LOC400499: variants seen among roughly 807,000 people sequenced by gnomAD.
At chr16:11,480,703 T>C in the LOC400499 span, among the ~76,000 whole-genome samples, 1 of 152,178 alleles carries the variant, frequency 6.6e-6, no homozygotes, top group Non-Finnish European at 1.5e-5. Flanking sequence ...CCGACAGGTA[T>C]AAATACACAC....
At chr16:11,516,234 T>C in the LOC400499 span, 1 of 399,630 alleles carries the variant, frequency 2.5e-6, no homozygotes, top group East Asian at 3.6e-5. Flanking sequence ...CGTGGCTCAG[T>C]GGGATGGGGA....
the LOC400499 span, chr16:11,385,297 G>C: frequency 2.4e-6 from 3 of 1,232,322 alleles, no homozygotes; most frequent in South Asian, 8.2e-5. Context: ...CTCAGCGTCA[G>C]CGAGAATGTG....
the LOC400499 span, among the ~76,000 whole-genome samples, chr16:11,409,414 T>C: frequency 1.3e-5 from 2 of 152,212 alleles, no homozygotes; most frequent in East Asian, 1.9e-4. Context: ...GTAACAGCCA[T>C]GTCTATTCAC....
the LOC400499 span, among the ~76,000 whole-genome samples, chr16:11,486,407 AATAG>A: frequency 4.9e-5 from 4 of 81,704 alleles, no homozygotes; most frequent in Non-Finnish European, 9.2e-5. Context: ...GGATTGAGTG[AATAG>A]ATGGATGGAT....
the LOC400499 span, among the ~76,000 whole-genome samples, chr16:11,441,703 G>C: frequency 2.0e-5 from 3 of 152,220 alleles, no homozygotes; most frequent in Middle Eastern, 3.2e-3. Context: ...GAGTCACACA[G>C]AGACTGGAAG....
At chr16:11,382,592 G>T in the LOC400499 span, among the ~76,000 whole-genome samples, 1 of 152,158 alleles carries the variant, frequency 6.6e-6, no homozygotes, top group East Asian at 1.9e-4. Flanking sequence ...GATTATTGTG[G>T]TGTGAGAGCA....
chr16:11,490,177 C>T, the LOC400499 span, among the ~76,000 whole-genome samples: 1 of 151,894 alleles, frequency 6.6e-6, no homozygotes, highest in Non-Finnish European at 1.5e-5. Flanking sequence ...GGATGGATCA[C>T]CTGAGGTCAG....
chr16:11,433,765 C>T, the LOC400499 span, among the ~76,000 whole-genome samples: 2 of 152,196 alleles, frequency 1.3e-5, no homozygotes, highest in African/African-American at 4.8e-5. Context: ...AATCCCTGAA[C>T]CATGGGGTTC....
chr16:11,478,860 C>G, the LOC400499 span, among the ~76,000 whole-genome samples: 1 of 152,148 alleles, frequency 6.6e-6, no homozygotes, highest in East Asian at 1.9e-4. Flanking sequence ...CCGTGCTGTT[C>G]GCGTGATAGT....
chr16:11,518,943 G>C, the LOC400499 span: 34 of 399,034 alleles, frequency 8.5e-5, no homozygotes, highest in African/African-American at 5.3e-4. Context: ...TTGGCCCCCA[G>C]GATGGATGTC....
At chr16:11,414,480 G>A in the LOC400499 span, 1 of 400,130 alleles carries the variant, frequency 2.5e-6, no homozygotes, top group Admixed American at 4.4e-5. Context: ...CCCCACCATG[G>A]AGGGCCACCC....
At chr16:11,476,484 ACACT>A in the LOC400499 span, among the ~76,000 whole-genome samples, 2 of 151,824 alleles carry the variant, frequency 1.3e-5, no homozygotes, top group Non-Finnish European at 2.9e-5. Context: ...CTCCCACAAC[ACACT>A]CACTCCTCAC....
At chr16:11,430,279 A>T in the LOC400499 span, among the ~76,000 whole-genome samples, 2 of 152,196 alleles carry the variant, frequency 1.3e-5, no homozygotes, top group Non-Finnish European at 2.9e-5. Context: ...TGAGGCCAGG[A>T]GTTCGAGACC....
chr16:11,487,161 G>T, the LOC400499 span: 110,674 of 397,320 alleles, frequency 0.28, 16,763 homozygotes, highest in Admixed American at 0.44. Flanking sequence ...TTGAACAATG[G>T]AGGCAAGGGA....
chr16:11,392,714 C>T, the LOC400499 span: 1 of 931,818 alleles, frequency 1.1e-6, no homozygotes, highest in Non-Finnish European at 1.3e-6. Flanking sequence ...GTTAGGGATG[C>T]CATAAGGCTT....
the LOC400499 span, chr16:11,383,973 C>G: frequency 8.1e-7 from 1 of 1,231,744 alleles, no homozygotes; most frequent in Non-Finnish European, 1.0e-6. Flanking sequence ...CCTGCTCCTG[C>G]TGAGGCTTCT....
chr16:11,515,030 G>C, the LOC400499 span, among the ~76,000 whole-genome samples: 1 of 152,140 alleles, frequency 6.6e-6, no homozygotes, highest in Non-Finnish European at 1.5e-5. Flanking sequence ...AGAGGGGCGG[G>C]CGTGGTGGCT....
At chr16:11,525,738 G>A in the LOC400499 span, among the ~76,000 whole-genome samples, 14 of 152,180 alleles carry the variant, frequency 9.2e-5, no homozygotes, top group Admixed American at 9.2e-4. Flanking sequence ...GCAGAAGTGA[G>A]CTGAGGTCTG....
At chr16:11,502,050 C>T in the LOC400499 span, 3 of 399,062 alleles carry the variant, frequency 7.5e-6, no homozygotes, top group Non-Finnish European at 1.3e-5. Flanking sequence ...GCTCCTAGTC[C>T]ATCCCCCACC....
Sources: gnomAD v4.1 joint callset for allele counts (sites outside exome capture counted in the v4.1 genomes callset) on GRCh38, gnomAD v4.1.1 for gene constraint, MANE v1.5 for transcripts.